ZNF197: variants seen among roughly 807,000 people sequenced by gnomAD.
The protein encoded by ZNF197 is VHL-associated KRAB-A domain-containing protein.
ZNF197 carries 14 observed loss-of-function variants against 27.4 expected under a neutral mutation model. The ratio of observed to expected loss-of-function variants is 0.51; its 90% confidence interval spans 0.34 to 0.80. The LOEUF (loss-of-function observed/expected upper bound fraction) is 0.80. ZNF197 is among the 30% of genes least tolerant of loss of function. ZNF197 has a pLI of 0.02. For synonymous variants in ZNF197, 415 were observed against 420.0 expected (o/e 0.99, Z 0.15); for missense variants, 1,090 against 1,222.6 (o/e 0.89, Z 1.62).
At position 44,643,710 on chromosome 3, in the gene ZNF197, C is replaced by A; in HGVS notation, c.2580C>A (p.Asn860Lys). 6.2e-7 allele frequency: 1 copy of A among 1,614,008 alleles called. No individual in the cohort carries two copies. The highest frequency in any genetic ancestry group is 8.5e-7 in the Non-Finnish European group (1 of 1,179,986). Residue 860 changes from asparagine (N) to lysine (K), a missense_variant, in exon 6 of 6, where the codon AAC (asparagine) becomes AAA (lysine). Coordinates refer to ENST00000344387, the MANE Select transcript of ZNF197 (RefSeq NM_006991.5). ...ECGKGFTYNR[N>K]LIEHQRIHSG... ...GAAAAGGTTTTACGTACAACAGAAACCTGATTGAACATCAAAGAATTCACA... is the reference window on the plus strand; with the variant it reads ...GAAAAGGTTTTACGTACAACAGAAAACTGATTGAACATCAAAGAATTCACA...
Position 44,646,281 on chromosome 3 carries a change from G to T in ZNF197, c.*2061G>T. The T allele has an allele frequency of 1.0e-6, 1 of 985,296 alleles. No homozygotes were observed. Among genetic ancestry groups the T allele is most frequent in the Non-Finnish European group, 1.2e-6 (1 of 829,836 alleles). The allele number at this position is 985,296 out of a possible 1,614,324, so 61.0% of individuals were successfully genotyped here. On this transcript the variant is annotated 3_prime_UTR_variant, in exon 6 of 6. Coordinates refer to ENST00000344387, the MANE Select transcript of ZNF197 (RefSeq NM_006991.5). ...AATGAATATAAAAATGTTTCATCCA[G>T]GTTGTTGAATCATCCCAGCTTATAT... is the stretch of plus-strand genomic sequence containing the variant.
Position 44,641,931 on chromosome 3 carries a change from G to A in ZNF197, c.801G>A (p.Val267=). 1 of 1,604,448 alleles carries A rather than the reference G, an allele frequency of 6.2e-7. No homozygotes were observed. Among genetic ancestry groups the A allele is most frequent in the East Asian group, 2.2e-5 (1 of 44,732 alleles). The stretch of plus-strand genomic sequence containing the variant: ...AGACCATGACCGAGAATGAGGAGGT[G>A]ACATCAAAGCCAAGTAGTTCTCAAA... ...EWETMTENEE[V]TSKPSSSQRA... The change falls in exon 6 of 6, where the codon GTG becomes GTA. Residue 267 remains valine (V), a synonymous_variant. Transcript: ENST00000344387.
rs368530015 is a variant in ZNF197, at chr3:44,642,387, C to T, written c.1257C>T (p.Asn419=). Residue 419 remains asparagine (N), a synonymous_variant, in exon 6 of 6, where the codon AAC becomes AAT. Transcript: ENST00000344387. ...QRSSLLMHLR[N]HSGEKPYKCN... is the part of the protein sequence containing the mutation. ...CGAGCCTTCTAATGCATTTACGGAA[C>T]CATTCAGGGGAGAAACCTTATAAAT... is the stretch of plus-strand genomic sequence containing the variant. 19 of 1,614,082 alleles carry T rather than the reference C, an allele frequency of 1.2e-5. No homozygotes were observed. The African/African-American group carries it at 2.4e-4, about 20-fold the overall frequency.
chr3:44,632,062 A>G, intron 3 of ZNF197, 43 bp from the exon 4 acceptor site: 1 of 1,579,350 alleles, frequency 6.3e-7, no homozygotes, highest in Non-Finnish European at 8.7e-7. Context: ...GTCACTCAGA[A>G]AAGGTTTGTA....
intron 2 of ZNF197, 168 bp from the exon 3 acceptor site, chr3:44,630,894 T>G (rs756812272): frequency 1.1e-6 from 1 of 919,858 alleles, no homozygotes; most frequent in Non-Finnish European, 1.7e-6. Flanking sequence ...CGAGGGCAGC[T>G]CCATTGTTCT....
rs1448013602 is a variant in ZNF197 at position 44,642,236 on chromosome 3, T to G, written c.1106T>G (p.Phe369Cys). ...TTAATAGGTACTGAAGGAAAGAAGT[T>G]TTATAAATGTGATATGTGTTGTAAA... ...ESLIGTEGKKFYKCDMCCKHF... is the reference protein window; with the variant it reads ...ESLIGTEGKKCYKCDMCCKHF... Residue 369 changes from phenylalanine (F) to cysteine (C), a missense_variant, in exon 6 of 6, where the codon TTT (phenylalanine) becomes TGT (cysteine). Transcript: ENST00000344387. 6 of 1,614,124 alleles carry G rather than the reference T, an allele frequency of 3.7e-6. No individual in the cohort carries two copies. The East Asian group carries it at 1.3e-4, about 36-fold the overall frequency.
At position 44,643,404 on chromosome 3, in the gene ZNF197, A is replaced by AG; in HGVS notation, c.2275dup (p.Glu759GlyfsTer5). On this transcript the variant is annotated frameshift_variant, in exon 6 of 6. Transcript: ENST00000344387. LOFTEE classifies it low-confidence loss of function (END_TRUNC). ...TTGTACATCGGAGAATCCACACCGGAGAAAAACCCTTTGAATGCAGTGAGT... is the reference window on the plus strand; with the variant it reads ...TTGTACATCGGAGAATCCACACCGGAGGAAAAACCCTTTGAATGCAGTGAGT... The AG allele has an allele frequency of 6.2e-7, 1 of 1,614,192 alleles. No homozygotes were observed. The highest frequency in any genetic ancestry group is 8.5e-7 in the Non-Finnish European group (1 of 1,180,040).
rs1703043944 is a variant in ZNF197, at chr3:44,647,773, A to G, written c.*3553A>G. 6.6e-6 allele frequency: 1 copy of G among 152,182 alleles called. No individual in the cohort carries two copies. The highest frequency in any genetic ancestry group is 1.5e-5 in the Non-Finnish European group (1 of 68,022). 9.4% of individuals were successfully genotyped at this position (152,182 alleles called of 1,614,324 possible). ...AACTATAGAGATGAAAAATGGATTA[A>G]TGGTTGCCAAAGGTTAGGGATGGTG... On this transcript the variant is annotated 3_prime_UTR_variant, in exon 6 of 6. Coordinates refer to ENST00000344387, the MANE Select transcript of ZNF197 (RefSeq NM_006991.5).
In ZNF197 at chr3:44,640,400, T is replaced by A. The variant is rs1019239861; in HGVS notation, c.770-1500T>A. ...GTTTTGTTCTTGTTTTGTTTTGAGA[T>A]GGAGTCTTGCTCTGTCACCCAGGCT... On this transcript the variant is annotated intron_variant, in intron 5 of 5. Transcript: ENST00000344387. This position sits in a 1 kb window ranked among gnomAD's most constrained non-coding sequence, Gnocchi z 4.0. 6.6e-6 allele frequency among the ~76,000 whole-genome samples: 1 copy of A among 152,108 alleles called. No homozygotes were observed. The highest frequency in any genetic ancestry group is 2.4e-5 in the African/African-American group (1 of 41,438).
Position 44,644,615 on chromosome 3 carries a change from G to A in ZNF197, c.*395G>A, listed in dbSNP as rs976027378. On this transcript the variant is annotated 3_prime_UTR_variant, in exon 6 of 6. Transcript: ENST00000344387. ...GATCGCGCCATTGCACTCCAGCCTGGGCAACAAGAGCGAAACTCTTGTCTG... is the reference window on the plus strand; with the variant it reads ...GATCGCGCCATTGCACTCCAGCCTGAGCAACAAGAGCGAAACTCTTGTCTG... The A allele has an allele frequency of 8.1e-5, 80 of 988,460 alleles. No individual in the cohort carries two copies. The highest frequency in any genetic ancestry group is 9.1e-5 in the Non-Finnish European group (76 of 832,062). The allele number at this position is 988,460 out of a possible 1,614,324, so 61.2% of individuals were successfully genotyped here.
At position 44,642,121 on chromosome 3, in the gene ZNF197, A is replaced by C; in HGVS notation, c.991A>C (p.Lys331Gln). 1 of 1,614,096 alleles carries C rather than the reference A, an allele frequency of 6.2e-7. No individual in the cohort carries two copies. Among genetic ancestry groups the C allele is most frequent in the Non-Finnish European group, 8.5e-7 (1 of 1,180,002 alleles). The change falls in exon 6 of 6, where the codon AAG (lysine) becomes CAG (glutamine). Residue 331 changes from lysine to glutamine, a missense_variant. Physicochemically the swap from Lys to Gln is moderately conservative, Grantham distance 53. Coordinates refer to ENST00000344387, the MANE Select transcript of ZNF197 (RefSeq NM_006991.5). ...VKKVSLCERDKKKRTPPEKQG... is the reference protein window; with the variant it reads ...VKKVSLCERDQKKRTPPEKQG... ...GAAAGTTTCCCTTTGTGAACGAGAC[A>C]AGAAGAAAAGGACTCCACCAGAGAA...
At chr3:44,627,823 T>C (rs1393276188) in intron 1 of ZNF197, among the ~76,000 whole-genome samples, 1 of 136,854 alleles carries the variant, frequency 7.3e-6, no homozygotes, top group Non-Finnish European at 1.6e-5. Flanking sequence ...AGAGCGAGAC[T>C]CCATCTCAAA....
At chr3:44,636,367 C>T (rs1346409591) in intron 5 of ZNF197, among the ~76,000 whole-genome samples, 2 of 151,962 alleles carry the variant, frequency 1.3e-5, no homozygotes, top group Non-Finnish European at 1.5e-5. Flanking sequence ...TTCAGCAGTC[C>T]ACCTTCATTT....
intron 5 of ZNF197, among the ~76,000 whole-genome samples, chr3:44,634,474 G>T (rs1484803417): frequency 6.6e-6 from 1 of 151,430 alleles, no homozygotes; most frequent in Admixed American, 6.6e-5. Context: ...TTTTGAGATG[G>T]AGTTTCCACT....
At position 44,642,116 on chromosome 3, in the gene ZNF197, G is replaced by A. The variant is rs1259084695; in HGVS notation, c.986G>A (p.Arg329Gln). The change falls in exon 6 of 6, where the codon CGA becomes CAA. Residue 329 changes from arginine to glutamine, a missense_variant. Physicochemically the swap from Arg to Gln is conservative, Grantham distance 43. Coordinates refer to ENST00000344387, the MANE Select transcript of ZNF197 (RefSeq NM_006991.5). ...DTVKKVSLCE[R>Q]DKKKRTPPEK... ...GTGAAGAAAGTTTCCCTTTGTGAAC[G>A]AGACAAGAAGAAAAGGACTCCACCA... 20 of 1,613,874 alleles carry A rather than the reference G, an allele frequency of 1.2e-5. No individual in the cohort carries two copies. Among genetic ancestry groups the A allele is most frequent in the East Asian group, 4.5e-5 (2 of 44,888 alleles).
chr3:44,632,025 TTG>T, intron 3 of ZNF197, 78 bp from the exon 4 acceptor site: 1 of 1,239,786 alleles, frequency 8.1e-7, no homozygotes, highest in Non-Finnish European at 1.2e-6. Flanking sequence ...CTGCTACTCT[TTG>T]TGTTATTCCA....
At position 44,644,282 on chromosome 3, in the gene ZNF197, AT is replaced by A; in HGVS notation, c.*63del. 1 of 1,518,706 alleles carries A rather than the reference AT, an allele frequency of 6.6e-7. No homozygotes were observed. The highest frequency in any genetic ancestry group is 1.4e-5 in the South Asian group (1 of 73,202). 94.1% of individuals were successfully genotyped at this position (1,518,706 alleles called of 1,614,324 possible). ...TAAGTAACTGTTGGACAAATGATAT[AT>A]ATTTCTTCTAAGGAAAAAGTTTATT... On this transcript the variant is annotated 3_prime_UTR_variant, in exon 6 of 6. Transcript: ENST00000344387.
Position 44,643,971 on chromosome 3 carries a change from C to T in ZNF197, c.2841C>T (p.Gly947=), listed in dbSNP as rs1559476523. Residue 947 remains glycine (G), a synonymous_variant, in exon 6 of 6, where the codon GGC becomes GGT. Transcript: ENST00000344387. ...TTACTTCTAAGAGGAATTTAGTTGG[C>T]CACCAGAGAATTCACACAGGGGAGA... is the stretch of plus-strand genomic sequence containing the variant. The part of the protein sequence containing the change: ...KSFTSKRNLV[G]HQRIHTGEKP... The T allele has an allele frequency of 6.2e-7, 1 of 1,613,960 alleles. No individual in the cohort carries two copies. The highest frequency in any genetic ancestry group is 8.5e-7 in the Non-Finnish European group (1 of 1,179,974).
Position 44,645,278 on chromosome 3 carries a change from G to A in ZNF197, c.*1058G>A. The A allele has an allele frequency of 1.0e-6, 1 of 985,400 alleles. No individual in the cohort carries two copies. Among genetic ancestry groups the A allele is most frequent in the South Asian group, 4.7e-5 (1 of 21,284 alleles). 61.0% of individuals were successfully genotyped at this position (985,400 alleles called of 1,614,324 possible). Reference sequence around the variant, plus strand: ...TTGGATAAAAGAGGTTATGGTAAAAGTTTAGAACATGGGATCATGTAAGTT... The same window carrying A: ...TTGGATAAAAGAGGTTATGGTAAAAATTTAGAACATGGGATCATGTAAGTT... On this transcript the variant is annotated 3_prime_UTR_variant, in exon 6 of 6. Coordinates refer to ENST00000344387, the MANE Select transcript of ZNF197 (RefSeq NM_006991.5).
Sources: gnomAD v4.1 joint callset for allele counts (sites outside exome capture counted in the v4.1 genomes callset) on GRCh38, gnomAD v4.1.1 for gene constraint, Gnocchi (gnomAD v3.1) non-coding constraint, MANE v1.5 for transcripts, NCBI Gene and HGNC (gene_info 2026-07-23, HGNC 2026-07-21) for gene names.